Variants in LAMA1 observed in about 807,000 individuals in gnomAD.
LAMA1 encodes the protein laminin subunit alpha 1, also known as laminin subunit alpha-1.
A neutral mutation model predicts 348.7 loss-of-function variants in LAMA1; 219 were observed. That is an observed-to-expected ratio of 0.63 (90% CI 0.56 to 0.70). The LOEUF (loss-of-function observed/expected upper bound fraction) is 0.70. Ranked by LOEUF, LAMA1 falls within the 30% of genes least tolerant of loss-of-function variation. The pLI, the probability that LAMA1 is intolerant of heterozygous loss-of-function variation, is 0.00. For missense variants in LAMA1, 3,744 were observed against 3,888.0 expected (o/e 0.96, Z 0.99); for synonymous variants, 1,487 against 1,491.0 (o/e 1.00, Z 0.06).
chr18:6,993,234 A>G (rs2057766374), intron 35 of LAMA1, among the ~76,000 whole-genome samples: 1 of 152,132 alleles, frequency 6.6e-6, no homozygotes, highest in Non-Finnish European at 1.5e-5. Flanking sequence ...AAAACTGAAA[A>G]TAGTATGCTA....
intron 14 of LAMA1, among the ~76,000 whole-genome samples, chr18:7,034,215 C>T (rs1473134612): frequency 1.3e-5 from 2 of 152,310 alleles, no homozygotes; most frequent in African/African-American, 2.4e-5. Flanking sequence ...ACTCATCGTG[C>T]ATTTCCCAGA....
At chr18:6,966,936 T>C (rs1395348052) in intron 48 of LAMA1, among the ~76,000 whole-genome samples, 2 of 152,228 alleles carry the variant, frequency 1.3e-5, no homozygotes, top group Admixed American at 6.5e-5. Flanking sequence ...CTGACTTGAC[T>C]CACTATTCAA....
rs531318051 is a variant in LAMA1 at position 7,060,401 on chromosome 18, C to T, written c.346-9465G>A. 5.3e-5 allele frequency among the ~76,000 whole-genome samples: 8 copies of T among 152,258 alleles called. No individual in the cohort carries two copies. In the South Asian group the frequency reaches 1.7e-3, roughly 32 times the overall value. ...AACATGTCCCAAAATTAAAACAAAA[C>T]AAAATATGTCCTTGTCCAGTAACTT... On this transcript the variant is annotated intron_variant, in intron 3 of 62. Coordinates refer to ENST00000389658, the MANE Select transcript of LAMA1 (RefSeq NM_005559.4).
intron 15 of LAMA1, 50 bp downstream of exon 15, chr18:7,032,934 T>C (rs1172239778): frequency 7.3e-7 from 1 of 1,371,078 alleles, no homozygotes; most frequent in Non-Finnish European, 1.0e-6. Flanking sequence ...TGCACTGTTT[T>C]CCCCTTAGGA....
chr18:7,108,029 C>CA lies in LAMA1; in HGVS notation c.61+9630dup, dbSNP rs569759252. Among the ~76,000 whole-genome samples the CA allele has an allele frequency of 2.4e-3, 324 of 136,980 alleles. 1 individual carries two copies. The highest frequency in any genetic ancestry group is 5.7e-3 in the Admixed American group (77 of 13,478). 89.9% of individuals were successfully genotyped at this position (136,980 alleles called of 152,430 possible). ...ACTCCGTCTCAAATAAAAAAAATAA[C>CA]AAAAAAAAAAAGAAAAGAAAAAATG... On this transcript the variant is annotated intron_variant, in intron 1 of 62. Coordinates refer to ENST00000389658, the MANE Select transcript of LAMA1 (RefSeq NM_005559.4).
intron 3 of LAMA1, among the ~76,000 whole-genome samples, chr18:7,071,309 T>C (rs571585338): frequency 8.5e-5 from 13 of 152,306 alleles, no homozygotes; most frequent in African/African-American, 3.1e-4. Context: ...CCAGAACTGC[T>C]GGGAAAAGCA....
intron 3 of LAMA1, among the ~76,000 whole-genome samples, chr18:7,075,604 CAA>C (rs1487644586): frequency 6.7e-6 from 1 of 149,676 alleles, no homozygotes; most frequent in Non-Finnish European, 1.5e-5. Flanking sequence ...GTCTGGGAAA[CAA>C]GAGCGAAACT....
intron 6 of LAMA1, 135 bp from the exon 7 acceptor site, chr18:7,044,974 CA>C (rs2058036164): frequency 1.3e-6 from 1 of 752,824 alleles, no homozygotes; most frequent in East Asian, 2.5e-5. Flanking sequence ...ATCATCAAAG[CA>C]AACTGGCATT....
At chr18:7,097,375 G>A (rs945561772) in intron 1 of LAMA1, among the ~76,000 whole-genome samples, 1 of 152,032 alleles carries the variant, frequency 6.6e-6, no homozygotes, top group Admixed American at 6.5e-5. Flanking sequence ...AGAAATTAGA[G>A]AAGATTTAAA....
At chr18:7,105,858 G>A (rs1267311086) in intron 1 of LAMA1, among the ~76,000 whole-genome samples, 2 of 152,188 alleles carry the variant, frequency 1.3e-5, no homozygotes, top group South Asian at 2.1e-4. Context: ...GGGTCTTGGC[G>A]AATGACCAAG....
chr18:7,033,189 G>A (rs946746013), intron 14 of LAMA1, 94 bp from the exon 15 acceptor site: 31 of 933,230 alleles, frequency 3.3e-5, no homozygotes, highest in African/African-American at 2.3e-4. Context: ...AAATCCGGCC[G>A]GGCGCAGTGG....
At chr18:7,046,450 A>G (rs1375390534) in intron 5 of LAMA1, 83 bp from the exon 6 acceptor site, 17 of 771,132 alleles carry the variant, frequency 2.2e-5, no homozygotes, top group Non-Finnish European at 2.9e-5. Flanking sequence ...CAAATATCTC[A>G]TGTAGTTTAA....
At chr18:6,947,585 G>A (rs542977227) in intron 60 of LAMA1, among the ~76,000 whole-genome samples, 3 of 152,182 alleles carry the variant, frequency 2.0e-5, no homozygotes, top group South Asian at 2.1e-4. Flanking sequence ...CTGTGGACAC[G>A]TCCTCCCTGC....
At chr18:6,963,843 A>T (rs1383820435) in intron 51 of LAMA1, 1 of 152,200 alleles carries the variant, frequency 6.6e-6, no homozygotes, top group Non-Finnish European at 1.5e-5. Context: ...AAGTTTCTGT[A>T]AATCATTAAA....
At chr18:6,954,828 A>T in intron 57 of LAMA1, 1 of 209,200 alleles carries the variant, frequency 4.8e-6, no homozygotes, top group African/African-American at 2.3e-5. Context: ...GGAGGACCTC[A>T]GGAGGAGAGA....
rs552697145 is a variant in LAMA1 at position 6,969,228 on chromosome 18, A to G, written c.6899+2629T>C. On this transcript the variant is annotated intron_variant, in intron 48 of 62. Coordinates refer to ENST00000389658, the MANE Select transcript of LAMA1 (RefSeq NM_005559.4). ...GTGCTCCTCCTACCTCAGCCTCCGG[A>G]GTAGCTGGGACTACAGGCGCACGCC... is the stretch of plus-strand genomic sequence containing the variant. Among the ~76,000 whole-genome samples, 3 of 152,094 alleles carry G rather than the reference A, an allele frequency of 2.0e-5. No homozygotes were observed. The South Asian group carries it at 6.2e-4, about 32-fold the overall frequency.
At chr18:6,983,017 T>C in intron 40 of LAMA1, 82 bp downstream of exon 40, 1 of 1,553,490 alleles carries the variant, frequency 6.4e-7, no homozygotes, top group South Asian at 1.1e-5. Context: ...AGGCAGAAAT[T>C]GGGGCCACTG....
At chr18:7,070,227 TGGTG>T (rs988953896) in intron 3 of LAMA1, among the ~76,000 whole-genome samples, 2 of 152,292 alleles carry the variant, frequency 1.3e-5, no homozygotes, top group Middle Eastern at 3.4e-3. Context: ...TATTTGAAAT[TGGTG>T]GAGGCCAGTA....
chr18:6,949,220 C>A lies in LAMA1; in HGVS notation c.8437G>T (p.Val2813Phe). 4 of 1,614,194 alleles carry A rather than the reference C, an allele frequency of 2.5e-6. No individual in the cohort carries two copies. The highest frequency in any genetic ancestry group is 3.4e-6 in the Non-Finnish European group (4 of 1,180,030). ...ACCATGGGAGACTCTCGGCCGTCGA[C>A]AGTTATGAAGCCTTTTCTTTTAACA... ...DYVKRKGFIT[V>F]DGRESPMVTV... The change falls in exon 59 of 63, where the codon GTC becomes TTC. Residue 2813 changes from valine (V) to phenylalanine (F), a missense_variant. Around this residue, in one of 3 missense-constraint regions of LAMA1, gnomAD observed 1,983 missense variants for 1,934.3 expected, o/e 1.03. Transcript: ENST00000389658.
Sources: gnomAD v4.1 joint callset for allele counts (sites outside exome capture counted in the v4.1 genomes callset) on GRCh38, gnomAD v4.1.1 for gene constraint, gnomAD v4.1.1 regional missense constraint, MANE v1.5 for transcripts, NCBI Gene and HGNC (gene_info 2026-07-23, HGNC 2026-07-21) for gene names.